Variants in HYDIN observed in about 807,000 individuals in gnomAD.
The protein encoded by HYDIN is axonemal central pair apparatus protein HYDIN.
HYDIN carries 132 observed loss-of-function variants against 403.9 expected under a neutral mutation model. That is an observed-to-expected ratio of 0.33 (90% CI 0.28 to 0.38). The LOEUF is 0.38. Ranked by LOEUF, HYDIN falls within the 10% of genes least tolerant of loss-of-function variation. The probability of loss-of-function intolerance (pLI) is 1.00; values close to 1 mark genes in which losing one functional copy is unlikely to be tolerated. For missense variants in HYDIN, 2,827 were observed against 5,009.5 expected (o/e 0.56, Z 13.15); for synonymous variants, 1,202 against 1,891.7 (o/e 0.64, Z 9.46).
chr16:70,813,757 G>C (rs2035656527), intron 84 of HYDIN, among the ~76,000 whole-genome samples: 1 of 149,790 alleles, frequency 6.7e-6, no homozygotes, highest in Non-Finnish European at 1.5e-5. Context: ...AAATTGATAT[G>C]TAAATGTAAA....
At chr16:71,187,153 A>G (rs924634858) in intron 1 of HYDIN, among the ~76,000 whole-genome samples, 8 of 152,156 alleles carry the variant, frequency 5.3e-5, no homozygotes, top group African/African-American at 7.2e-5. Flanking sequence ...GACTAAGCTC[A>G]GGAAGACATG....
At chr16:70,890,733 T>C (rs998755211) in intron 57 of HYDIN, among the ~76,000 whole-genome samples, 6 of 152,060 alleles carry the variant, frequency 3.9e-5, no homozygotes, top group African/African-American at 1.4e-4. Context: ...GGTGAATTGA[T>C]TGACAGCCTC....
rs570297595 is a variant in HYDIN, at chr16:71,175,393, C to T, written c.516+214G>A. On this transcript the variant is annotated intron_variant, in intron 5 of 85. Transcript: ENST00000393567. The stretch of plus-strand genomic sequence containing the variant: ...GACAACAATATCACCACCATCTATA[C>T]TACCAACACCAACACTACCACCACT... Among the ~76,000 whole-genome samples, 5 of 152,032 alleles carry T rather than the reference C, an allele frequency of 3.3e-5. No homozygotes were observed. The South Asian group carries it at 8.3e-4, about 25-fold the overall frequency.
chr16:70,887,228 A>G (rs1338066119), intron 58 of HYDIN, among the ~76,000 whole-genome samples: 1 of 152,244 alleles, frequency 6.6e-6, no homozygotes, highest in Admixed American at 6.5e-5. Flanking sequence ...ATGTTACCTT[A>G]TACAGCAAAA....
At chr16:70,956,039 C>G (rs188428358) in intron 39 of HYDIN, among the ~76,000 whole-genome samples, 6 of 152,094 alleles carry the variant, frequency 3.9e-5, no homozygotes, top group Non-Finnish European at 8.8e-5. Flanking sequence ...AGGCTGGTCT[C>G]GAACTCCTAA....
chr16:71,178,081 T>C (rs1477644054), intron 4 of HYDIN, among the ~76,000 whole-genome samples: 1 of 152,100 alleles, frequency 6.6e-6, no homozygotes, highest in Non-Finnish European at 1.5e-5. Context: ...AGAAGGCTTT[T>C]AAAAAGGTAC....
chr16:71,134,492 C>T (rs1237458043), intron 8 of HYDIN, among the ~76,000 whole-genome samples: 5 of 151,776 alleles, frequency 3.3e-5, no homozygotes, highest in Admixed American at 6.6e-5. Context: ...AGAGGATTCA[C>T]CCCATTCGCT....
At chr16:70,882,975 A>C in intron 59 of HYDIN, 80 bp from the exon 60 acceptor site, 1 of 1,150,074 alleles carries the variant, frequency 8.7e-7, no homozygotes, top group South Asian at 1.3e-5. Context: ...GGAACTCTGG[A>C]TTCTCACAAA....
chr16:70,895,837 C>G (rs1306454012), intron 54 of HYDIN, 144 bp downstream of exon 54: 4 of 1,381,642 alleles, frequency 2.9e-6, no homozygotes, highest in African/African-American at 1.6e-5. Flanking sequence ...TAATATCACT[C>G]TGGGGCTCAC....
At chr16:71,203,493 C>T (rs1004044710) in intron 1 of HYDIN, among the ~76,000 whole-genome samples, 1 of 152,070 alleles carries the variant, frequency 6.6e-6, no homozygotes, top group Non-Finnish European at 1.5e-5. Flanking sequence ...GTTAAAAATG[C>T]CTCATTTCTA....
intron 18 of HYDIN, among the ~76,000 whole-genome samples, chr16:71,037,822 T>C (rs1291650495): frequency 6.6e-6 from 1 of 152,236 alleles, no homozygotes; most frequent in Non-Finnish European, 1.5e-5. Context: ...TCGGCTAACC[T>C]TGATCTCAGC....
chr16:71,043,282 T>TCGATCCAC (rs1033035092), intron 18 of HYDIN, among the ~76,000 whole-genome samples: 2 of 150,040 alleles, frequency 1.3e-5, no homozygotes, highest in African/African-American at 4.9e-5. Flanking sequence ...TGGGCCTGTT[T>TCGATCCAC]CCATCCACCG....
At chr16:70,884,676 G>C (rs1402268698) in intron 58 of HYDIN, among the ~76,000 whole-genome samples, 3 of 144,204 alleles carry the variant, frequency 2.1e-5, no homozygotes, top group Non-Finnish European at 4.6e-5. Flanking sequence ...TATGGAATTA[G>C]TGCTAAAACA....
At chr16:71,220,823 T>A (rs1292317686) in intron 1 of HYDIN, among the ~76,000 whole-genome samples, 1 of 152,212 alleles carries the variant, frequency 6.6e-6, no homozygotes, top group Admixed American at 6.5e-5. Flanking sequence ...TACAAAGTAA[T>A]ACATTGTTTT....
intron 1 of HYDIN, among the ~76,000 whole-genome samples, chr16:71,207,635 A>C (rs1330315514): frequency 6.6e-6 from 1 of 152,216 alleles, no homozygotes; most frequent in Admixed American, 6.5e-5. Context: ...GGCAAGCTGA[A>C]TGAAGAAGCA....
chr16:71,065,390 C>T (rs866409003), intron 15 of HYDIN, among the ~76,000 whole-genome samples: 6 of 83,830 alleles, frequency 7.2e-5, no homozygotes, highest in Middle Eastern at 0.011. Flanking sequence ...GCCGACATGG[C>T]GGGGGTGAGG....
intron 83 of HYDIN, among the ~76,000 whole-genome samples, chr16:70,826,705 ATCTCTCTC>A (rs3043151): frequency 0.015 from 1,888 of 129,024 alleles, 70 homozygotes; most frequent in Middle Eastern, 0.017. Context: ...TCTTGCCAGC[ATCTCTCTC>A]TCTCTCTCTC....
Position 70,974,577 on chromosome 16 carries a change from A to G in HYDIN, c.4866T>C (p.Phe1622=), listed in dbSNP as rs758028170. The change falls in exon 32 of 86, where the codon TTT becomes TTC. Residue 1622 remains phenylalanine (F), a synonymous_variant. Transcript: ENST00000393567. ...HIIKIINTSH[F]PVSFHADKRV... is the part of the protein sequence containing the mutation. ...GCTTGTCTGCATGGAATGACACTGG[A>G]AAGTGACTGGTGTTGATGATCTTGA... The G allele has an allele frequency of 2.3e-5, 36 of 1,540,666 alleles. No homozygotes were observed. Among genetic ancestry groups the G allele is most frequent in the Middle Eastern group, 1.8e-4 (1 of 5,608 alleles).
chr16:70,949,803 T>C (rs2078004791), intron 41 of HYDIN, among the ~76,000 whole-genome samples: 1 of 152,276 alleles, frequency 6.6e-6, no homozygotes, highest in African/African-American at 2.4e-5. Flanking sequence ...GATCTGTAGG[T>C]TACCTTACTG....
Sources: gnomAD v4.1 joint callset for allele counts (sites outside exome capture counted in the v4.1 genomes callset) on GRCh38, gnomAD v4.1.1 for gene constraint, MANE v1.5 for transcripts, NCBI Gene and HGNC (gene_info 2026-07-23, HGNC 2026-07-21) for gene names.